NRG2: variants seen among roughly 807,000 people sequenced by gnomAD.
The protein encoded by NRG2 is neuregulin 2.
A neutral mutation model predicts 73.9 loss-of-function variants in NRG2; 27 were observed. The ratio of observed to expected loss-of-function variants is 0.37; its 90% CI spans 0.27 to 0.50. The LOEUF is 0.50. Among genes scored for constraint, NRG2 ranks in the 20% least tolerant of loss-of-function variants. The probability of loss-of-function intolerance (pLI) is 0.96; values close to 1 mark genes in which losing one functional copy is unlikely to be tolerated. For synonymous variants in NRG2, 532 were observed against 541.0 expected (o/e 0.98, Z 0.23); for missense variants, 1,126 against 1,210.1 (o/e 0.93, Z 1.03).
Position 139,855,679 on chromosome 5 carries a change from G to T in NRG2, c.1289C>A (p.Thr430Asn). The change falls in exon 6 of 10, where the codon ACC (threonine) becomes AAC (asparagine). Residue 430 changes from threonine to asparagine, a missense_variant. This residue lies in a region of NRG2 where 539 missense variants were observed against 703.2 expected (regional missense o/e 0.77). Coordinates refer to ENST00000361474, the MANE Select transcript of NRG2 (RefSeq NM_004883.3). ...AGCTTGAGTGACTGACACTCACTTG[G>T]TCTTGCAGTAGGCCACCACACAGAC... ...GIVCVVAYCK[T>N]KKQRKQMHNH... 6.2e-7 allele frequency: 1 copy of T among 1,613,500 alleles called. No homozygotes were observed. Among genetic ancestry groups the T allele is most frequent in the Non-Finnish European group, 8.5e-7 (1 of 1,179,508 alleles).
At chr5:139,948,359 A>T (rs1162950680) in intron 1 of NRG2, among the ~76,000 whole-genome samples, 1 of 151,906 alleles carries the variant, frequency 6.6e-6, no homozygotes, top group Non-Finnish European at 1.5e-5. Flanking sequence ...GGTGGGAAAG[A>T]AGTTCAGCTC....
chr5:140,018,148 C>T (rs1561755954), intron 1 of NRG2, among the ~76,000 whole-genome samples: 1 of 152,034 alleles, frequency 6.6e-6, no homozygotes, highest in Non-Finnish European at 1.5e-5. Flanking sequence ...CTCTACAGGC[C>T]CTATCTTGAC....
chr5:139,936,377 C>A (rs974786299), intron 1 of NRG2, among the ~76,000 whole-genome samples: 1 of 152,088 alleles, frequency 6.6e-6, no homozygotes, highest in African/African-American at 2.4e-5. Flanking sequence ...ATAATGGCAT[C>A]TCATGAGCAA....
At chr5:139,910,465 G>A (rs1765501513) in intron 1 of NRG2, among the ~76,000 whole-genome samples, 1 of 152,208 alleles carries the variant, frequency 6.6e-6, no homozygotes, top group African/African-American at 2.4e-5. Flanking sequence ...TCCACAGACT[G>A]TGACGTTCTG....
At chr5:139,921,403 A>T (rs1328616497) in intron 1 of NRG2, among the ~76,000 whole-genome samples, 1 of 152,252 alleles carries the variant, frequency 6.6e-6, no homozygotes, top group Admixed American at 6.5e-5. Context: ...AGAGCAATAG[A>T]TCAGTAGAAC....
chr5:140,021,763 T>C (rs910957802), intron 1 of NRG2, among the ~76,000 whole-genome samples: 2 of 152,164 alleles, frequency 1.3e-5, no homozygotes, highest in Non-Finnish European at 2.9e-5. Context: ...AGAAATGGTC[T>C]CCCAGCCTCA....
intron 1 of NRG2, among the ~76,000 whole-genome samples, chr5:140,031,465 C>T (rs191857970): frequency 6.6e-6 from 1 of 152,276 alleles, no homozygotes; most frequent in East Asian, 1.9e-4. Flanking sequence ...TCTGAGACTC[C>T]TTTCTTTCTT....
At chr5:139,982,614 A>G (rs1478056808) in intron 1 of NRG2, among the ~76,000 whole-genome samples, 1 of 152,218 alleles carries the variant, frequency 6.6e-6, no homozygotes, top group African/African-American at 2.4e-5. Context: ...AGTCCTAGAC[A>G]GCGAGTTTCC....
chr5:139,947,567 T>C (rs1401660615), intron 1 of NRG2, among the ~76,000 whole-genome samples: 1 of 152,240 alleles, frequency 6.6e-6, no homozygotes, highest in Non-Finnish European at 1.5e-5. Context: ...TGTAAAGACA[T>C]ACGTTTTCAT....
chr5:140,029,106 TG>T (rs1487026086), intron 1 of NRG2, among the ~76,000 whole-genome samples: 1 of 152,234 alleles, frequency 6.6e-6, no homozygotes, highest in African/African-American at 2.4e-5. Context: ...ACCTCCTAGC[TG>T]AGCCCCTCAA....
At chr5:140,027,922 G>A (rs1760829090) in intron 1 of NRG2, among the ~76,000 whole-genome samples, 2 of 152,222 alleles carry the variant, frequency 1.3e-5, no homozygotes, top group Admixed American at 1.3e-4. Context: ...AGAACCAGGA[G>A]CCACAGGGTA....
rs186978063 is a variant in NRG2 at position 139,921,418 on chromosome 5, C to A, written c.701-33907G>T. Among the ~76,000 whole-genome samples, 198 of 152,240 alleles carry A rather than the reference C, an allele frequency of 1.3e-3. 1 individual carries two copies. The highest frequency in any genetic ancestry group is 4.6e-3 in the African/African-American group (192 of 41,530). ...AGAGCAATAGATCAGTAGAACAGAA[C>A]GGAGAGCCCAGAAATAGACCCACAT... On this transcript the variant is annotated intron_variant, in intron 1 of 9. Coordinates refer to ENST00000361474, the MANE Select transcript of NRG2 (RefSeq NM_004883.3).
chr5:140,039,230 GGGTGT>G (rs1761731517), intron 1 of NRG2, among the ~76,000 whole-genome samples: 1 of 152,164 alleles, frequency 6.6e-6, no homozygotes, highest in Non-Finnish European at 1.5e-5. Context: ...CAACAAGATA[GGGTGT>G]AATTATACCA....
intron 1 of NRG2, among the ~76,000 whole-genome samples, chr5:140,015,738 G>A (rs1160284334): frequency 6.6e-6 from 1 of 152,164 alleles, no homozygotes; most frequent in Non-Finnish European, 1.5e-5. Flanking sequence ...CCTCACTCAG[G>A]GAGGGCTTCC....
Position 140,009,541 on chromosome 5 carries a change from C to T in NRG2, c.700+32829G>A, listed in dbSNP as rs185155097. ...CAAAGAATGAAATTGCTCGATCTTA[C>T]GGTAAGAGTAGTTTAATTTTGTAAG... is the stretch of plus-strand genomic sequence containing the variant. On this transcript the variant is annotated intron_variant, in intron 1 of 9. Coordinates refer to ENST00000361474, the MANE Select transcript of NRG2 (RefSeq NM_004883.3). Among the ~76,000 whole-genome samples the T allele has an allele frequency of 1.4e-4, 21 of 152,236 alleles. No homozygotes were observed. The East Asian group carries it at 1.5e-3, about 11-fold the overall frequency.
rs1478502239 is a variant in NRG2, at chr5:139,894,971, G to C, written c.701-7460C>G. On this transcript the variant is annotated intron_variant, in intron 1 of 9. Transcript: ENST00000361474. This position sits in a 1 kb window ranked among gnomAD's most constrained non-coding sequence, Gnocchi z 5.0. The stretch of plus-strand genomic sequence containing the variant: ...GCCAGCTGGGATGAGAACTAAAGAG[G>C]GGAGGCAGAAGCTGCACCAGGAGGG... Among the ~76,000 whole-genome samples the C allele has an allele frequency of 6.6e-6, 1 of 152,204 alleles. No homozygotes were observed. Among genetic ancestry groups the C allele is most frequent in the African/African-American group, 2.4e-5 (1 of 41,434 alleles).
In NRG2 at chr5:139,847,325, G is replaced by C. The variant is rs1761058372; in HGVS notation, c.*592C>G. 1 of 151,138 alleles carries C rather than the reference G, an allele frequency of 6.6e-6. No homozygotes were observed. Among genetic ancestry groups the C allele is most frequent in the Admixed American group, 6.6e-5 (1 of 15,156 alleles). The allele number at this position is 151,138 out of a possible 1,614,324, so 9.4% of individuals were successfully genotyped here. A position where few individuals can be genotyped will look rare whatever the true frequency, so the allele number is the denominator to read the frequency against. On this transcript the variant is annotated 3_prime_UTR_variant, in exon 10 of 10. Transcript: ENST00000361474. ...GTGAGTAGCCAGGGCTTCCCCATTC[G>C]GGTAGCTGTGTCTTTATCTCCCCCT...
rs1301369551 is a variant in NRG2, at chr5:139,964,612, G to C, written c.701-77101C>G. ...ATGCATGCTTGGGGAGTGTGTCCCA[G>C]ATCTCTGGACACAGGCATTTGCAGA... is the stretch of plus-strand genomic sequence containing the variant. On this transcript the variant is annotated intron_variant, in intron 1 of 9. Transcript: ENST00000361474. Among the ~76,000 whole-genome samples, 7 of 152,214 alleles carry C rather than the reference G, an allele frequency of 4.6e-5. No individual in the cohort carries two copies. In the East Asian group the frequency reaches 1.3e-3, roughly 29 times the overall value.
At position 139,848,263 on chromosome 5, in the gene NRG2, G is replaced by A; in HGVS notation, c.2207C>T (p.Thr736Met). The A allele has an allele frequency of 2.2e-5, 25 of 1,117,776 alleles. No homozygotes were observed. The highest frequency in any genetic ancestry group is 2.6e-5 in the Non-Finnish European group (24 of 916,954). 69.2% of individuals were successfully genotyped at this position (1,117,776 alleles called of 1,614,324 possible). A position where few individuals can be genotyped will look rare whatever the true frequency, so the allele number is the denominator to read the frequency against. Residue 736 changes from threonine (T) to methionine (M), a missense_variant, in exon 10 of 10, where the codon ACG (threonine) becomes ATG (methionine). Thr to Met is a moderately conservative substitution (Grantham distance 81). Transcript: ENST00000361474. ...RPRARGASRRTSAGPRRWRRS... is the reference protein window; with the variant it reads ...RPRARGASRRMSAGPRRWRRS... The stretch of plus-strand genomic sequence containing the variant: ...GCGCCAGCGCCGGGGCCCCGCCGAC[G>A]TCCTGCGGGACGCACCGCGCGCGCG...
Sources: gnomAD v4.1 joint callset for allele counts (sites outside exome capture counted in the v4.1 genomes callset) on GRCh38, gnomAD v4.1.1 for gene constraint, gnomAD v4.1.1 regional missense constraint, Gnocchi (gnomAD v3.1) non-coding constraint, MANE v1.5 for transcripts, NCBI Gene and HGNC (gene_info 2026-07-23, HGNC 2026-07-21) for gene names.